HNRNPUL1: variants seen among roughly 807,000 people sequenced by gnomAD.
HNRNPUL1 encodes the protein heterogeneous nuclear ribonucleoprotein U-like protein 1.
In HNRNPUL1, 14 loss-of-function variants were observed where a neutral mutation model predicts 108.5. The observed-to-expected ratio is 0.13, with a 90% CI of 0.09 to 0.20. The LOEUF is 0.20. Ranked by LOEUF, HNRNPUL1 falls within the 10% of genes least tolerant of loss-of-function variation. The pLI, the probability that HNRNPUL1 is intolerant of heterozygous loss-of-function variation, is 1.00. For missense variants in HNRNPUL1, 804 were observed against 1,168.3 expected (o/e 0.69, Z 4.55); for synonymous variants, 422 against 445.2 (o/e 0.95, Z 0.66).
chr19:41,291,979 CAAAAAAAA>C, intron 7 of HNRNPUL1: 1 of 234,156 alleles, frequency 4.3e-6, no homozygotes. Flanking sequence ...GACCCTGTCT[CAAAAAAAA>C]AAAAAACAAA....
At chr19:41,298,660 C>T (rs528631454) in intron 10 of HNRNPUL1, 2 of 152,360 alleles carry the variant, frequency 1.3e-5, no homozygotes, top group African/African-American at 4.8e-5. Flanking sequence ...TGATTCTCAG[C>T]ACCTCAATTC....
intron 10 of HNRNPUL1, among the ~76,000 whole-genome samples, chr19:41,300,914 C>A (rs932197333): frequency 6.6e-6 from 1 of 152,136 alleles, no homozygotes; most frequent in Non-Finnish European, 1.5e-5. Flanking sequence ...TTAATAAGAA[C>A]AAACTACAAA....
chr19:41,296,812 G>T (rs769804917), intron 10 of HNRNPUL1, among the ~76,000 whole-genome samples: 1 of 152,192 alleles, frequency 6.6e-6, no homozygotes, highest in African/African-American at 2.4e-5. Flanking sequence ...TGCAGTTCCT[G>T]GATCTCAGCC....
At chr19:41,264,041 G>GA (rs1316357865), upstream of HNRNPUL1, among the ~76,000 whole-genome samples, 2 of 152,220 alleles carry the variant, frequency 1.3e-5, no homozygotes, top group African/African-American at 2.4e-5. Flanking sequence ...AAGGCCGTGG[G>GA]ACACTCATTC....
intron 4 of HNRNPUL1, among the ~76,000 whole-genome samples, chr19:41,275,235 G>A (rs547665548): frequency 1.3e-5 from 2 of 152,106 alleles, no homozygotes; most frequent in Non-Finnish European, 2.9e-5. Context: ...TACCACAGAG[G>A]GCGGTAGGAA....
chr19:41,265,457 G>A, intron 1 of HNRNPUL1: 1 of 1,293,458 alleles, frequency 7.7e-7, no homozygotes, highest in East Asian at 2.8e-5. Flanking sequence ...GCGGGAGATT[G>A]AACTAGGGGG....
chr19:41,281,157 C>T lies in HNRNPUL1; in HGVS notation c.887-6C>T, dbSNP rs768244832. ...TTAACCTGCCTTTGCCTATTTCTTC[C>T]GTCAGGCGAAGAGCCTTTCTCCTAT... On this transcript the variant is annotated splice_region_variant and splice_polypyrimidine_tract_variant and intron_variant, in intron 6 of 14. Transcript: ENST00000392006. The T allele has an allele frequency of 6.9e-6, 11 of 1,604,130 alleles. No homozygotes were observed. The highest frequency in any genetic ancestry group is 1.3e-5 in the African/African-American group (1 of 74,862).
Position 41,264,444 on chromosome 19 carries a change from A to T in HNRNPUL1, c.-60A>T. The T allele has an allele frequency of 7.7e-7, 1 of 1,304,656 alleles. No individual in the cohort carries two copies. Among genetic ancestry groups the T allele is most frequent in the Non-Finnish European group, 9.8e-7 (1 of 1,018,270 alleles). The allele number at this position is 1,304,656 out of a possible 1,614,324, so 80.8% of individuals were successfully genotyped here. ...TTCGCCTCCTGACAGGAAAGGTTTA[A>T]GGGGGACAGAGCCCTGGGAGGCCGG... On this transcript the variant is annotated 5_prime_UTR_variant, in exon 1 of 15. The change creates a new upstream start codon in the 5' untranslated region. Transcript: ENST00000392006.
intron 3 of HNRNPUL1, 68 bp downstream of exon 3, chr19:41,272,303 G>A (rs2035289635): frequency 1.3e-6 from 2 of 1,515,482 alleles, no homozygotes; most frequent in South Asian, 2.3e-5. Flanking sequence ...CGTGCTTGCT[G>A]GGGACATTTG....
At chr19:41,286,250 C>T (rs2036221241) in intron 7 of HNRNPUL1, among the ~76,000 whole-genome samples, 1 of 150,624 alleles carries the variant, frequency 6.6e-6, no homozygotes, top group Non-Finnish European at 1.5e-5. Context: ...TTGCAAGTGT[C>T]CACAAATATT....
intron 7 of HNRNPUL1, among the ~76,000 whole-genome samples, chr19:41,284,530 G>C (rs2036094108): frequency 6.6e-6 from 1 of 151,972 alleles, no homozygotes; most frequent in Non-Finnish European, 1.5e-5. Flanking sequence ...AATTAACTGG[G>C]TTGGTGATGC....
At chr19:41,278,406 A>C (rs1165780893) in intron 5 of HNRNPUL1, 1 of 151,896 alleles carries the variant, frequency 6.6e-6, no homozygotes, top group South Asian at 2.1e-4. Context: ...TGGCATGGAT[A>C]TACCATAATC....
chr19:41,290,471 C>T (rs911164183), intron 7 of HNRNPUL1, among the ~76,000 whole-genome samples: 1 of 152,086 alleles, frequency 6.6e-6, no homozygotes, highest in African/African-American at 2.4e-5. Flanking sequence ...GTTCAAATTC[C>T]TGCGGTAAAT....
Position 41,276,150 on chromosome 19 carries a change from C to T in HNRNPUL1, c.647-9C>T, listed in dbSNP as rs1397169787. ...AACATCAGCCAACTGTGGGCATTTTCCTTCACAGATAACTGCGACCTCCAC... is the reference window on the plus strand; with the variant it reads ...AACATCAGCCAACTGTGGGCATTTTTCTTCACAGATAACTGCGACCTCCAC... On this transcript the variant is annotated splice_polypyrimidine_tract_variant and intron_variant, in intron 4 of 14. Transcript: ENST00000392006. 1.9e-6 allele frequency: 3 copies of T among 1,613,898 alleles called. No homozygotes were observed. The highest frequency in any genetic ancestry group is 2.5e-6 in the Non-Finnish European group (3 of 1,179,958).
At chr19:41,271,936 T>C (rs113299999) in intron 2 of HNRNPUL1, 146 bp from the exon 3 acceptor site, 62,560 of 835,926 alleles carry the variant, frequency 0.075, 2,946 homozygotes, top group South Asian at 0.12. Flanking sequence ...AGCAGGCTTC[T>C]GTTGAACTCA....
At position 41,302,844 on chromosome 19, in the gene HNRNPUL1, G is replaced by C; in HGVS notation, c.1867G>C (p.Gly623Arg). 1 of 1,591,190 alleles carries C rather than the reference G, an allele frequency of 6.3e-7. No homozygotes were observed. The highest frequency in any genetic ancestry group is 8.6e-7 in the Non-Finnish European group (1 of 1,166,794). ...GGGGFRGRGGGGGFQRYENRG... is the reference protein window; with the variant it reads ...GGGGFRGRGGRGGFQRYENRG... ...TGGTGGCTTCCGGGGCCGCGGGGGTGGTGGTGGCTTCCAGCGCTATGAAAA... is the reference window on the plus strand; with the variant it reads ...TGGTGGCTTCCGGGGCCGCGGGGGTCGTGGTGGCTTCCAGCGCTATGAAAA... The change falls in exon 12 of 15, where the codon GGT becomes CGT. Residue 623 changes from glycine (G) to arginine (R), a missense_variant. Gly to Arg is a moderately radical substitution (Grantham distance 125). Around this residue, in one of 4 missense-constraint regions of HNRNPUL1, gnomAD observed 294 missense variants for 388.3 expected, o/e 0.76. Transcript: ENST00000392006.
rs1223568198 is a variant in HNRNPUL1 at position 41,282,725 on chromosome 19, T to C, written c.999+1450T>C. On this transcript the variant is annotated intron_variant, in intron 7 of 14. Transcript: ENST00000392006. Reference sequence around the variant, plus strand: ...TTTTTTTTGAGACGGAGTCTCGCTCTGTCGCCCAGGCTGGAGTGCAGTGGC... The same window carrying C: ...TTTTTTTTGAGACGGAGTCTCGCTCCGTCGCCCAGGCTGGAGTGCAGTGGC... Among the ~76,000 whole-genome samples, 3 of 149,740 alleles carry C rather than the reference T, an allele frequency of 2.0e-5. No homozygotes were observed. The South Asian group carries it at 6.4e-4, about 32-fold the overall frequency.
At chr19:41,290,220 A>C (rs930047172) in intron 7 of HNRNPUL1, among the ~76,000 whole-genome samples, 1 of 152,140 alleles carries the variant, frequency 6.6e-6, no homozygotes, top group Non-Finnish European at 1.5e-5. Context: ...CGAACCGTGT[A>C]TTTTGCTTCA....
Position 41,272,067 on chromosome 19 carries a change from T to A in HNRNPUL1, c.419-15T>A, listed in dbSNP as rs1218704384. On this transcript the variant is annotated splice_polypyrimidine_tract_variant and intron_variant, in intron 2 of 14. Transcript: ENST00000392006. ...TTGCGAGTGTCTTGACCATCTGAAT[T>A]TGTCTTGACAATAGAAATGAAGACA... The A allele has an allele frequency of 6.2e-7, 1 of 1,612,838 alleles. No homozygotes were observed. Among genetic ancestry groups the A allele is most frequent in the African/African-American group, 1.3e-5 (1 of 74,812 alleles).
Sources: gnomAD v4.1 joint callset for allele counts (sites outside exome capture counted in the v4.1 genomes callset) on GRCh38, gnomAD v4.1.1 for gene constraint, gnomAD v4.1.1 regional missense constraint, MANE v1.5 for transcripts, NCBI Gene and HGNC (gene_info 2026-07-23, HGNC 2026-07-21) for gene names.